Variants in PIK3C3 observed in about 807,000 individuals in gnomAD.
PIK3C3 encodes the protein PI3-kinase type 3.
In PIK3C3, 95 loss-of-function variants were observed where a neutral mutation model predicts 126.1. The ratio of observed to expected loss-of-function variants is 0.75; its 90% CI spans 0.64 to 0.89. The LOEUF (loss-of-function observed/expected upper bound fraction) is 0.89. Among genes scored for constraint, PIK3C3 ranks in the 40% least tolerant of loss-of-function variants. The probability of loss-of-function intolerance (pLI) is 0.00; values close to 1 mark genes in which losing one functional copy is unlikely to be tolerated. For synonymous variants in PIK3C3, 374 were observed against 360.0 expected (o/e 1.04, Z -0.44); for missense variants, 829 against 1,063.2 (o/e 0.78, Z 3.06).
In PIK3C3 at chr18:42,081,423, T is replaced by G; in HGVS notation, c.*286T>G. On this transcript the variant is annotated 3_prime_UTR_variant, in exon 25 of 25. Coordinates refer to ENST00000262039, the MANE Select transcript of PIK3C3 (RefSeq NM_002647.4). ...AACATTCTTATTTATGTACATGTTATGAGAGTTCTGGAGGAAGTAATATGT... is the reference window on the plus strand; with the variant it reads ...AACATTCTTATTTATGTACATGTTAGGAGAGTTCTGGAGGAAGTAATATGT... 3.0e-6 allele frequency: 1 copy of G among 332,476 alleles called. No individual in the cohort carries two copies. The allele number at this position is 332,476 out of a possible 1,614,324, so 20.6% of individuals were successfully genotyped here.
intron 21 of PIK3C3, 72 bp from the exon 22 acceptor site, chr18:42,057,811 T>TTG: frequency 7.7e-7 from 1 of 1,296,966 alleles, no homozygotes; most frequent in South Asian, 1.2e-5. Context: ...TTTATATCAA[T>TTG]TGTGTGACAT....
intron 24 of PIK3C3, among the ~76,000 whole-genome samples, chr18:42,069,349 A>AG (rs1010822864): frequency 1.3e-5 from 2 of 152,228 alleles, no homozygotes; most frequent in Admixed American, 6.5e-5. Context: ...TTAGAGGTAT[A>AG]GGGGGAAAAA....
At chr18:41,985,758 T>A (rs1193976757) in intron 4 of PIK3C3, among the ~76,000 whole-genome samples, 1 of 152,162 alleles carries the variant, frequency 6.6e-6, no homozygotes, top group African/African-American at 2.4e-5. Context: ...GTAGCTCTTA[T>A]ACAATTGAGA....
chr18:42,079,339 A>G (rs184247035), intron 24 of PIK3C3, among the ~76,000 whole-genome samples: 1 of 152,218 alleles, frequency 6.6e-6, no homozygotes, highest in African/African-American at 2.4e-5. Context: ...TGTAATATTT[A>G]TCAATTAAGT....
intron 16 of PIK3C3, among the ~76,000 whole-genome samples, chr18:42,036,526 C>T (rs1984058928): frequency 6.6e-6 from 1 of 151,838 alleles, no homozygotes; most frequent in Non-Finnish European, 1.5e-5. Flanking sequence ...TAGGGTCTCT[C>T]TCTCTCAGAA....
chr18:42,087,700 G>A lies in PIK3C3; in HGVS notation c.*6563G>A, dbSNP rs1986426253. On this transcript the variant is annotated 3_prime_UTR_variant, in exon 25 of 25. Coordinates refer to ENST00000262039, the MANE Select transcript of PIK3C3 (RefSeq NM_002647.4). ...TCAATTTTATACAGCATGAAATAATGATGTATCTATAAATGAGCCTTTGCA... is the reference window on the plus strand; with the variant it reads ...TCAATTTTATACAGCATGAAATAATAATGTATCTATAAATGAGCCTTTGCA... 1 of 152,154 alleles carries A rather than the reference G, an allele frequency of 6.6e-6. No homozygotes were observed. Among genetic ancestry groups the A allele is most frequent in the African/African-American group, 2.4e-5 (1 of 41,430 alleles). 9.4% of individuals were successfully genotyped at this position (152,154 alleles called of 1,614,324 possible). A position where few individuals can be genotyped will look rare whatever the true frequency, so the allele number is the denominator to read the frequency against.
At chr18:41,993,824 G>A (rs1204746672) in intron 7 of PIK3C3, among the ~76,000 whole-genome samples, 1 of 152,096 alleles carries the variant, frequency 6.6e-6, no homozygotes, top group Non-Finnish European at 1.5e-5. Context: ...TGGTAACTTG[G>A]ATGATGGTGG....
At chr18:41,988,035 C>T (rs1981584042) in intron 5 of PIK3C3, 137 bp downstream of exon 5, 1 of 549,026 alleles carries the variant, frequency 1.8e-6, no homozygotes, top group Non-Finnish European at 3.2e-6. Flanking sequence ...GAATTCTATG[C>T]TAATAACTGG....
Position 42,067,375 on chromosome 18 carries a change from T to C in PIK3C3, c.2524-13T>C. 1 of 1,613,352 alleles carries C rather than the reference T, an allele frequency of 6.2e-7. No individual in the cohort carries two copies. The highest frequency in any genetic ancestry group is 8.5e-7 in the Non-Finnish European group (1 of 1,179,478). On this transcript the variant is annotated splice_polypyrimidine_tract_variant and intron_variant, in intron 23 of 24. Transcript: ENST00000262039. ...TTTTCTTCGTTGTAAAGACTAAGAGTGTTATCTTATAGGTTCAGGATAAAT... is the reference window on the plus strand; with the variant it reads ...TTTTCTTCGTTGTAAAGACTAAGAGCGTTATCTTATAGGTTCAGGATAAAT...
intron 14 of PIK3C3, among the ~76,000 whole-genome samples, chr18:42,028,771 A>G: frequency 6.6e-6 from 1 of 152,240 alleles, no homozygotes; most frequent in East Asian, 1.9e-4. Context: ...GTAATTGGGA[A>G]GATTAAATTA....
chr18:42,027,666 T>A (rs1045815774), intron 14 of PIK3C3, 118 bp downstream of exon 14: 1 of 410,932 alleles, frequency 2.4e-6, no homozygotes, highest in East Asian at 4.2e-5. Context: ...TTTATTTTTA[T>A]TTTTTTGAGA....
chr18:42,003,232 T>G (rs1045555571), intron 9 of PIK3C3, among the ~76,000 whole-genome samples: 4 of 152,218 alleles, frequency 2.6e-5, no homozygotes, highest in Admixed American at 2.6e-4. Context: ...AGTAGACATT[T>G]TCTTGAGGAA....
At chr18:42,023,048 T>G (rs1598904963) in intron 13 of PIK3C3, among the ~76,000 whole-genome samples, 1 of 152,208 alleles carries the variant, frequency 6.6e-6, no homozygotes, top group Non-Finnish European at 1.5e-5. Flanking sequence ...TTTCAAAGCT[T>G]CTTAGGTATT....
chr18:42,066,505 G>A (rs1985544762), intron 23 of PIK3C3, among the ~76,000 whole-genome samples: 1 of 152,156 alleles, frequency 6.6e-6, no homozygotes, highest in East Asian at 1.9e-4. Flanking sequence ...TGGTGGCGTA[G>A]GATTGTCTGG....
Position 42,036,822 on chromosome 18 carries a change from C to G in PIK3C3, c.1840-870C>G, listed in dbSNP as rs1352648025. Among the ~76,000 whole-genome samples, 2 of 152,058 alleles carry G rather than the reference C, an allele frequency of 1.3e-5. 1 individual carries two copies. Among genetic ancestry groups the G allele is most frequent in the East Asian group, 3.9e-4 (2 of 5,192 alleles). On this transcript the variant is annotated intron_variant, in intron 16 of 24. Transcript: ENST00000262039. ...CACAACTAGTACAGATTGAGCATCT[C>G]TAATCCAAAAATCCAAAATCTAAAA...
intron 16 of PIK3C3, 52 bp downstream of exon 16, chr18:42,034,009 A>G (rs1567993112): frequency 1.6e-6 from 2 of 1,287,136 alleles, no homozygotes; most frequent in Non-Finnish European, 2.1e-6. Context: ...TTCTTAAGCT[A>G]GATCAGAGAT....
At chr18:42,025,096 G>A (rs1983504554) in intron 13 of PIK3C3, among the ~76,000 whole-genome samples, 2 of 152,302 alleles carry the variant, frequency 1.3e-5, no homozygotes, top group South Asian at 2.1e-4. Context: ...ACAGGCATGA[G>A]CCACCACGCC....
At chr18:42,031,276 G>GT (rs939369031) in intron 15 of PIK3C3, among the ~76,000 whole-genome samples, 7 of 152,046 alleles carry the variant, frequency 4.6e-5, no homozygotes, top group African/African-American at 1.7e-4. Flanking sequence ...TTAGATCTGT[G>GT]GCAGAGTAAT....
At chr18:41,995,660 A>G (rs972152859) in intron 7 of PIK3C3, among the ~76,000 whole-genome samples, 4 of 152,158 alleles carry the variant, frequency 2.6e-5, no homozygotes, top group African/African-American at 9.7e-5. Flanking sequence ...TGTTTTAAGA[A>G]GCTGTAATGA....
Sources: gnomAD v4.1 joint callset for allele counts (sites outside exome capture counted in the v4.1 genomes callset) on GRCh38, gnomAD v4.1.1 for gene constraint, MANE v1.5 for transcripts, NCBI Gene and HGNC (gene_info 2026-07-23, HGNC 2026-07-21) for gene names.